The following CDH12 variants were observed in gnomAD, a reference collection of about 807,000 sequenced individuals.
CDH12 encodes the protein cadherin-12.
In CDH12, 41 loss-of-function variants were observed where a neutral mutation model predicts 74.1. That is an observed-to-expected ratio of 0.55 (90% CI 0.43 to 0.72). The LOEUF is 0.72. CDH12 is among the 30% of genes least tolerant of loss of function. The probability of loss-of-function intolerance (pLI) is 0.00; values close to 1 mark genes in which losing one functional copy is unlikely to be tolerated. For synonymous variants in CDH12, 399 were observed against 355.0 expected (o/e 1.12, Z -1.39); for missense variants, 945 against 977.2 (o/e 0.97, Z 0.44).
At chr5:22,594,217 C>G (rs1467988701) in intron 1 of CDH12, among the ~76,000 whole-genome samples, 2 of 152,184 alleles carry the variant, frequency 1.3e-5, no homozygotes, top group African/African-American at 4.8e-5. Flanking sequence ...CCTTCACATA[C>G]TCCCCGCTTC....
intron 7 of CDH12, among the ~76,000 whole-genome samples, chr5:21,847,495 A>G (rs1272138996): frequency 6.6e-6 from 1 of 152,070 alleles, no homozygotes; most frequent in African/African-American, 2.4e-5. Context: ...GTTCATCCAG[A>G]CAATGGCAGC....
Position 22,283,565 on chromosome 5 carries a change from C to A in CDH12, c.-332-70922G>T, listed in dbSNP as rs182496912. 4.6e-5 allele frequency among the ~76,000 whole-genome samples: 7 copies of A among 151,820 alleles called. No homozygotes were observed. In the East Asian group the frequency reaches 1.4e-3, roughly 29 times the overall value. ...TATATGTGGAATCTGAAAAATCAAA[C>A]TCATAGGAGTAGAGGGTAGAATTGT... On this transcript the variant is annotated intron_variant, in intron 3 of 14. Transcript: ENST00000382254.
intron 3 of CDH12, among the ~76,000 whole-genome samples, chr5:22,362,966 G>C (rs1740879882): frequency 6.6e-6 from 1 of 150,508 alleles, no homozygotes; most frequent in Admixed American, 6.6e-5. Context: ...AGCATTAGGA[G>C]ATACACCTAA....
intron 5 of CDH12, among the ~76,000 whole-genome samples, chr5:22,039,286 C>T (rs1739409954): frequency 6.6e-6 from 1 of 152,056 alleles, no homozygotes; most frequent in African/African-American, 2.4e-5. Context: ...CAGAGCTGGG[C>T]CCTGGTACCC....
chr5:21,762,428 A>G (rs1744775758), intron 12 of CDH12, among the ~76,000 whole-genome samples: 1 of 152,276 alleles, frequency 6.6e-6, no homozygotes, highest in South Asian at 2.1e-4. Context: ...ATAATCCAGG[A>G]GAGACAGTTC....
At chr5:22,278,651 T>C (rs1736743398) in intron 3 of CDH12, among the ~76,000 whole-genome samples, 1 of 152,262 alleles carries the variant, frequency 6.6e-6, no homozygotes, top group East Asian at 1.9e-4. Flanking sequence ...GTGATATACA[T>C]ATTAATTATT....
At chr5:22,718,457 GAATAACGGTTGATGA>G (rs1743700575) in intron 1 of CDH12, among the ~76,000 whole-genome samples, 1 of 152,156 alleles carries the variant, frequency 6.6e-6, no homozygotes, top group Non-Finnish European at 1.5e-5. Flanking sequence ...TTGGCTTAAG[GAATAACGGTTGATGA>G]AAACAAACCA....
At position 22,404,673 on chromosome 5, in the gene CDH12, A is replaced by T. The variant is rs1055337909; in HGVS notation, c.-333+584T>A. ...ATATATTGTAAGCTACAATACCTGT[A>T]GAAATGAGTGAGGAAAGAATAATTA... On this transcript the variant is annotated intron_variant, in intron 3 of 14. Transcript: ENST00000382254. Among the ~76,000 whole-genome samples the T allele has an allele frequency of 3.9e-5, 6 of 152,188 alleles. No individual in the cohort carries two copies. In the East Asian group the frequency reaches 1.2e-3, roughly 29 times the overall value.
chr5:21,832,611 T>C (rs1004057099), intron 8 of CDH12, among the ~76,000 whole-genome samples: 16 of 150,914 alleles, frequency 1.1e-4, no homozygotes, highest in African/African-American at 3.2e-4. Flanking sequence ...TAATATTTAG[T>C]CTTTACCCAA....
chr5:22,064,180 C>T lies in CDH12; in HGVS notation c.231+14266G>A, dbSNP rs575366823. On this transcript the variant is annotated intron_variant, in intron 5 of 14. Transcript: ENST00000382254. ...GATCAGAAATATACTGTTCATGGTA[C>T]GTGAAACACACATATCTGGAAGATT... Among the ~76,000 whole-genome samples, 22 of 152,194 alleles carry T rather than the reference C, an allele frequency of 1.4e-4. No individual in the cohort carries two copies. In the South Asian group the frequency reaches 2.7e-3, roughly 19 times the overall value.
chr5:21,901,978 G>C (rs891295347), intron 6 of CDH12, among the ~76,000 whole-genome samples: 2 of 152,142 alleles, frequency 1.3e-5, no homozygotes, highest in African/African-American at 4.8e-5. Context: ...TACGTGCAGA[G>C]ATTACAATAA....
At chr5:21,999,086 T>C (rs1349547912) in intron 5 of CDH12, among the ~76,000 whole-genome samples, 2 of 152,128 alleles carry the variant, frequency 1.3e-5, no homozygotes, top group Non-Finnish European at 2.9e-5. Flanking sequence ...CAGGAAATCT[T>C]TATTAAAGCA....
intron 1 of CDH12, among the ~76,000 whole-genome samples, chr5:22,825,295 GGAGACA>G (rs1279692266): frequency 6.9e-6 from 1 of 144,184 alleles, no homozygotes; most frequent in African/African-American, 2.5e-5. Flanking sequence ...TTTAGAAAAA[GGAGACA>G]ACAAATTAGA....
intron 9 of CDH12, among the ~76,000 whole-genome samples, chr5:21,810,271 T>C (rs1284575827): frequency 6.6e-6 from 1 of 152,088 alleles, no homozygotes; most frequent in East Asian, 1.9e-4. Flanking sequence ...ATAAAAAGAT[T>C]AGTTGGAGGA....
intron 3 of CDH12, among the ~76,000 whole-genome samples, chr5:22,239,392 G>A (rs1323713734): frequency 6.6e-6 from 1 of 151,948 alleles, no homozygotes; most frequent in African/African-American, 2.4e-5. Context: ...GGAGCCCTGT[G>A]GGGAAGCAAA....
At chr5:22,834,805 A>C (rs999895192) in intron 1 of CDH12, among the ~76,000 whole-genome samples, 1 of 152,236 alleles carries the variant, frequency 6.6e-6, no homozygotes, top group South Asian at 2.1e-4. Context: ...GCCATTTGAC[A>C]TACACTTCTG....
chr5:22,602,648 T>C (rs1254003720), intron 1 of CDH12, among the ~76,000 whole-genome samples: 1 of 152,138 alleles, frequency 6.6e-6, no homozygotes, highest in African/African-American at 2.4e-5. Flanking sequence ...GAATACTATA[T>C]ATTTCCCACA....
At chr5:22,674,574 A>G (rs1414109576) in intron 1 of CDH12, among the ~76,000 whole-genome samples, 1 of 152,198 alleles carries the variant, frequency 6.6e-6, no homozygotes, top group Non-Finnish European at 1.5e-5. Context: ...GTGACTTTAG[A>G]ACTGGGTAAC....
chr5:22,409,728 A>C (rs1743100255), intron 2 of CDH12, among the ~76,000 whole-genome samples: 1 of 152,098 alleles, frequency 6.6e-6, no homozygotes, highest in Non-Finnish European at 1.5e-5. Context: ...GTGATGAGAT[A>C]CTGAAATACA....
Sources: gnomAD v4.1 joint callset for allele counts (sites outside exome capture counted in the v4.1 genomes callset) on GRCh38, gnomAD v4.1.1 for gene constraint, MANE v1.5 for transcripts, NCBI Gene and HGNC (gene_info 2026-07-23, HGNC 2026-07-21) for gene names.